The following HEMK2 variants were observed in gnomAD, a reference collection of about 807,000 sequenced individuals.
HEMK2 encodes methyltransferase HEMK2.
At chr21:28,799,761 T>C in the HEMK2 span, among the ~76,000 whole-genome samples, 1 of 152,242 alleles carries the variant, frequency 6.6e-6, no homozygotes, top group Non-Finnish European at 1.5e-5. Context: ...CCTATGTGAA[T>C]ACAAAATATT....
At chr21:28,836,251 C>T in the HEMK2 span, among the ~76,000 whole-genome samples, 2 of 152,092 alleles carry the variant, frequency 1.3e-5, no homozygotes, top group Non-Finnish European at 2.9e-5. Context: ...CACTAGGTAA[C>T]CTAGCAAGCA....
chr21:28,736,228 T>C, the HEMK2 span, among the ~76,000 whole-genome samples: 2 of 152,144 alleles, frequency 1.3e-5, no homozygotes, highest in Non-Finnish European at 2.9e-5. Flanking sequence ...CTTCTAGTTA[T>C]TAGGATGAGA....
the HEMK2 span, among the ~76,000 whole-genome samples, chr21:28,657,124 C>G: frequency 6.6e-6 from 1 of 152,092 alleles, no homozygotes; most frequent in Non-Finnish European, 1.5e-5. Flanking sequence ...TCATACACAA[C>G]TATGTATGTT....
chr21:28,673,656 A>G, the HEMK2 span, among the ~76,000 whole-genome samples: 102 of 126,128 alleles, frequency 8.1e-4, 18 homozygotes, highest in African/African-American at 3.4e-3. Context: ...GTAGTGTCAG[A>G]TTTAAATCTA....
At chr21:28,801,427 A>T in the HEMK2 span, among the ~76,000 whole-genome samples, 2 of 152,230 alleles carry the variant, frequency 1.3e-5, no homozygotes, top group Non-Finnish European at 2.9e-5. Context: ...TTGGAGTTGT[A>T]AAAATAAATT....
At chr21:28,704,557 C>CAAAA in the HEMK2 span, among the ~76,000 whole-genome samples, 1 of 129,676 alleles carries the variant, frequency 7.7e-6, no homozygotes, top group Non-Finnish European at 1.8e-5. Flanking sequence ...AAGGTTTTGG[C>CAAAA]AAAAAAAAAA....
At chr21:28,694,860 T>C in the HEMK2 span, among the ~76,000 whole-genome samples, 1 of 151,952 alleles carries the variant, frequency 6.6e-6, no homozygotes, top group Non-Finnish European at 1.5e-5. Flanking sequence ...TAGCCGGGCG[T>C]GGTGGCGGGC....
At chr21:28,650,714 T>C in the HEMK2 span, among the ~76,000 whole-genome samples, 2 of 152,036 alleles carry the variant, frequency 1.3e-5, no homozygotes, top group African/African-American at 4.8e-5. Context: ...CTATTCAGAG[T>C]TGAAGTCTAG....
chr21:28,690,507 G>T, the HEMK2 span, among the ~76,000 whole-genome samples: 1 of 152,076 alleles, frequency 6.6e-6, no homozygotes, highest in Non-Finnish European at 1.5e-5. Context: ...ATAAATTGTG[G>T]TTTTTTTAAG....
the HEMK2 span, among the ~76,000 whole-genome samples, chr21:28,672,796 T>C: frequency 2.0e-5 from 3 of 152,152 alleles, no homozygotes; most frequent in Admixed American, 6.6e-5. Flanking sequence ...CTTGTTTTAA[T>C]TTAAAAATTA....
At chr21:28,628,947 A>C in the HEMK2 span, among the ~76,000 whole-genome samples, 3 of 152,208 alleles carry the variant, frequency 2.0e-5, no homozygotes, top group Non-Finnish European at 4.4e-5. Flanking sequence ...AATAAATCCC[A>C]AAATATTAGT....
At chr21:28,823,793 CAT>C in the HEMK2 span, among the ~76,000 whole-genome samples, 1 of 151,978 alleles carries the variant, frequency 6.6e-6, no homozygotes, top group South Asian at 2.1e-4. Flanking sequence ...TCATTCAGCA[CAT>C]GTTAAGTACC....
the HEMK2 span, among the ~76,000 whole-genome samples, chr21:28,645,794 T>A: frequency 6.6e-6 from 1 of 152,186 alleles, no homozygotes; most frequent in Non-Finnish European, 1.5e-5. Flanking sequence ...TAGAAAGTGC[T>A]ATCTCTGAAT....
At chr21:28,636,027 C>T in the HEMK2 span, among the ~76,000 whole-genome samples, 12 of 152,322 alleles carry the variant, frequency 7.9e-5, no homozygotes, top group Admixed American at 5.9e-4. Context: ...GCCAGTTCCA[C>T]TGAAGAAACT....
chr21:28,600,141 G>A, the HEMK2 span, among the ~76,000 whole-genome samples: 3 of 152,166 alleles, frequency 2.0e-5, no homozygotes, highest in Non-Finnish European at 4.4e-5. Context: ...AGCTTCATTA[G>A]GCCCCAGTGG....
chr21:28,774,227 C>T, the HEMK2 span, among the ~76,000 whole-genome samples: 1 of 152,148 alleles, frequency 6.6e-6, no homozygotes, highest in Non-Finnish European at 1.5e-5. Context: ...TCACGTTTCT[C>T]CTGGAACATA....
the HEMK2 span, among the ~76,000 whole-genome samples, chr21:28,700,948 C>T: frequency 6.6e-6 from 1 of 152,086 alleles, no homozygotes; most frequent in African/African-American, 2.4e-5. Flanking sequence ...AGCTAACCTA[C>T]CAGGATCAAG....
chr21:28,860,007 A>T, the HEMK2 span, among the ~76,000 whole-genome samples: 1 of 152,208 alleles, frequency 6.6e-6, no homozygotes. Context: ...TTTGAAGATA[A>T]TGCATGATCT....
the HEMK2 span, among the ~76,000 whole-genome samples, chr21:28,814,515 T>C: frequency 6.1e-5 from 9 of 148,302 alleles, no homozygotes; most frequent in Admixed American, 5.4e-4. Flanking sequence ...GAATCTACAA[T>C]GAACTCAAAC....
Sources: gnomAD v4.1 joint callset for allele counts (sites outside exome capture counted in the v4.1 genomes callset) on GRCh38, gnomAD v4.1.1 for gene constraint, MANE v1.5 for transcripts, NCBI Gene and HGNC (gene_info 2026-07-23, HGNC 2026-07-21) for gene names.